The following ODAD2 variants were observed in gnomAD, a reference collection of about 807,000 sequenced individuals.
The protein encoded by ODAD2 is outer dynein arm-docking complex subunit 2.
ODAD2 carries 89 observed loss-of-function variants against 106.8 expected under a neutral mutation model. That is an observed-to-expected ratio of 0.83 (90% CI 0.70 to 0.99). The LOEUF (loss-of-function observed/expected upper bound fraction) is 0.99. Among genes scored for constraint, ODAD2 ranks in the 50% least tolerant of loss-of-function variants. The probability of loss-of-function intolerance (pLI) is 0.00; values close to 1 mark genes in which losing one functional copy is unlikely to be tolerated. For synonymous variants in ODAD2, 404 were observed against 436.2 expected (o/e 0.93, Z 0.92); for missense variants, 1,168 against 1,238.5 (o/e 0.94, Z 0.85).
chr10:27,965,846 T>C (rs1848455684), intron 9 of ODAD2, among the ~76,000 whole-genome samples: 1 of 152,200 alleles, frequency 6.6e-6, no homozygotes, highest in African/African-American at 2.4e-5. Flanking sequence ...TACGAGAAAG[T>C]ACACTTTATT....
intron 16 of ODAD2, among the ~76,000 whole-genome samples, chr10:27,922,994 G>A (rs1269630759): frequency 6.6e-6 from 1 of 151,202 alleles, no homozygotes; most frequent in East Asian, 1.9e-4. Context: ...GGAGGATGAG[G>A]ACACTGGAAA....
At chr10:27,883,358 T>TAATAACAAAATAAACAATAGCAAAAGC (rs1225620041) in intron 17 of ODAD2, among the ~76,000 whole-genome samples, 1 of 152,058 alleles carries the variant, frequency 6.6e-6, no homozygotes, top group Non-Finnish European at 1.5e-5. Flanking sequence ...CCAAGATAGT[T>TAATAACAAAATAAACAATAGCAAAAGC]AATAACAAAA....
At chr10:27,849,534 A>G (rs1839081345) in intron 19 of ODAD2, among the ~76,000 whole-genome samples, 3 of 152,178 alleles carry the variant, frequency 2.0e-5, no homozygotes, top group African/African-American at 4.8e-5. Context: ...CATGTACCCT[A>G]GAACTTAAAA....
intron 14 of ODAD2, among the ~76,000 whole-genome samples, chr10:27,938,711 T>C (rs527833475): frequency 1.3e-5 from 2 of 151,952 alleles, no homozygotes; most frequent in East Asian, 3.9e-4. Context: ...GTGATTCTCC[T>C]GCCTCAGCCT....
chr10:27,837,911 T>G (rs934858923), intron 19 of ODAD2, among the ~76,000 whole-genome samples: 1 of 152,204 alleles, frequency 6.6e-6, no homozygotes, highest in Non-Finnish European at 1.5e-5. Flanking sequence ...ATGTAACTTT[T>G]TTTTAGCTCC....
intron 1 of ODAD2, among the ~76,000 whole-genome samples, chr10:27,996,721 A>T (rs1191828944): frequency 6.6e-6 from 1 of 152,194 alleles, no homozygotes; most frequent in African/African-American, 2.4e-5. Flanking sequence ...TTTACATGGA[A>T]TTTTACCAAG....
intron 16 of ODAD2, among the ~76,000 whole-genome samples, chr10:27,919,358 A>G (rs1590018735): frequency 6.6e-6 from 1 of 152,038 alleles, no homozygotes; most frequent in African/African-American, 2.4e-5. Flanking sequence ...CCTCATATTA[A>G]AGGTTTCTGC....
chr10:27,823,685 T>C (rs1836792089), intron 19 of ODAD2, among the ~76,000 whole-genome samples: 2 of 152,202 alleles, frequency 1.3e-5, no homozygotes, highest in Non-Finnish European at 2.9e-5. Context: ...TATTTGCTGT[T>C]AGCTCATTTT....
At chr10:27,878,267 AAC>A (rs1433452594) in intron 17 of ODAD2, among the ~76,000 whole-genome samples, 1 of 152,212 alleles carries the variant, frequency 6.6e-6, no homozygotes, top group Non-Finnish European at 1.5e-5. Context: ...AACAAAATCA[AAC>A]AGATTGCACA....
At chr10:27,991,429 A>G (rs938812778) in intron 2 of ODAD2, among the ~76,000 whole-genome samples, 1 of 152,242 alleles carries the variant, frequency 6.6e-6, no homozygotes, top group African/African-American at 2.4e-5. Flanking sequence ...GATGAAACAT[A>G]AAACCTTTCC....
At position 27,909,857 on chromosome 10, in the gene ODAD2, C is replaced by T. The variant is rs149081016; in HGVS notation, c.2496-2080G>A. ...AAAAAAAAAAAGACTCAGAACACTACGGAATGATAACTTCCTATGACAAGA... is the reference window on the plus strand; with the variant it reads ...AAAAAAAAAAAGACTCAGAACACTATGGAATGATAACTTCCTATGACAAGA... On this transcript the variant is annotated intron_variant, in intron 16 of 19. Transcript: ENST00000305242. Among the ~76,000 whole-genome samples the T allele has an allele frequency of 1.2e-4, 16 of 134,226 alleles. No individual in the cohort carries two copies. In the East Asian group the frequency reaches 3.1e-3, roughly 26 times the overall value. The allele number at this position is 134,226 out of a possible 152,430, so 88.1% of individuals were successfully genotyped here. A position where few individuals can be genotyped will look rare whatever the true frequency, so the allele number is the denominator to read the frequency against.
rs1848887452 is a variant in ODAD2 at position 27,971,883 on chromosome 10, A to T, written c.937-570T>A. 2.0e-5 allele frequency among the ~76,000 whole-genome samples: 3 copies of T among 152,220 alleles called. No individual in the cohort carries two copies. In the South Asian group the frequency reaches 6.2e-4, roughly 31 times the overall value. On this transcript the variant is annotated intron_variant, in intron 7 of 19. Transcript: ENST00000305242. ...AAAACCTTCACAGATGAACAAAAAC[A>T]GAGAATTCACTGCCAGAAGACCTGT...
rs1846774138 is a variant in ODAD2 at position 27,944,910 on chromosome 10, C to G, written c.1439G>C (p.Ser480Thr). The change falls in exon 11 of 20, where the codon AGC (serine) becomes ACC (threonine). Residue 480 changes from serine to threonine, a missense_variant. By Grantham distance (58) the Ser-to-Thr change is moderately conservative. Coordinates refer to ENST00000305242, the MANE Select transcript of ODAD2 (RefSeq NM_018076.5). The part of the protein sequence containing the change: ...VIALCSMRDF[S>T]LAQETCQLAI... ...CAACTGGCAGGTTTCTTGAGCTAAG[C>G]TGAAATCCCTCATTGAACACAACGC... is the stretch of plus-strand genomic sequence containing the variant. The G allele has an allele frequency of 3.1e-6, 5 of 1,614,174 alleles. No homozygotes were observed. The East Asian group carries it at 1.1e-4, about 36-fold the overall frequency.
chr10:27,833,535 A>C (rs1451872706), intron 19 of ODAD2, among the ~76,000 whole-genome samples: 1 of 152,254 alleles, frequency 6.6e-6, no homozygotes, highest in Non-Finnish European at 1.5e-5. Flanking sequence ...ACGTAGAAGA[A>C]AAATATTGTA....
Position 27,994,945 on chromosome 10 carries a change from T to G in ODAD2, c.198A>C (p.Ser66=), listed in dbSNP as rs143338979. The change falls in exon 2 of 20, where the codon TCA becomes TCC. Residue 66 remains serine, a synonymous_variant. Coordinates refer to ENST00000305242, the MANE Select transcript of ODAD2 (RefSeq NM_018076.5). ...TGACAACATAACCTGATTCAAATGCTGAGGGCGCCAAACTTGTGTTCCATT... is the reference window on the plus strand; with the variant it reads ...TGACAACATAACCTGATTCAAATGCGGAGGGCGCCAAACTTGTGTTCCATT... ...PLEWNTSLAP[S]AFESGYVVSE... is the part of the protein sequence containing the mutation. 1.5e-3 allele frequency: 2,494 copies of G among 1,614,204 alleles called. 2 individuals are homozygous for G. The highest frequency in any genetic ancestry group is 1.8e-3 in the Non-Finnish European group (2,086 of 1,180,026).
At chr10:27,936,689 G>GTC in intron 15 of ODAD2, 37 bp downstream of exon 15, 1 of 1,609,270 alleles carries the variant, frequency 6.2e-7, no homozygotes, top group East Asian at 2.2e-5. Context: ...TTCAGAAGCC[G>GTC]TATCTTCATT....
intron 16 of ODAD2, among the ~76,000 whole-genome samples, chr10:27,933,458 G>A (rs138645104): frequency 3.0e-4 from 45 of 152,294 alleles, no homozygotes; most frequent in African/African-American, 1.1e-3. Context: ...CAGATATGCA[G>A]TTTAGGAAAG....
At chr10:27,932,377 C>A (rs1247597586) in intron 16 of ODAD2, among the ~76,000 whole-genome samples, 1 of 152,098 alleles carries the variant, frequency 6.6e-6, no homozygotes, top group Non-Finnish European at 1.5e-5. Flanking sequence ...CTACTGACTG[C>A]GTATTTTTGC....
At chr10:27,909,954 T>A (rs1267644202) in intron 16 of ODAD2, among the ~76,000 whole-genome samples, 2 of 151,940 alleles carry the variant, frequency 1.3e-5, no homozygotes, top group Non-Finnish European at 2.9e-5. Context: ...TTTAACTTTA[T>A]CCTTTCCATC....
Sources: allele counts gnomAD v4.1 joint callset (sites outside exome capture counted in the v4.1 genomes callset), GRCh38; gene constraint gnomAD v4.1.1; transcripts MANE v1.5; gene names NCBI Gene and HGNC (gene_info 2026-07-23, HGNC 2026-07-21).